Variants in MED14 observed in about 807,000 individuals in gnomAD.
The protein encoded by MED14 is mediator complex subunit 14.
Under a neutral mutation model 109.0 loss-of-function variants are expected in MED14, and 8 were observed. The ratio of observed to expected loss-of-function variants is 0.07; its 90% CI spans 0.04 to 0.13. The LOEUF (loss-of-function observed/expected upper bound fraction) is 0.13. MED14 is among the 10% of genes least tolerant of loss of function. The probability of loss-of-function intolerance (pLI) is 1.00; values close to 1 mark genes in which losing one functional copy is unlikely to be tolerated. For synonymous variants in MED14, 399 were observed against 408.7 expected (o/e 0.98, Z 0.29); for missense variants, 711 against 1,142.4 (o/e 0.62, Z 5.44).
intron 1 of MED14, among the ~76,000 whole-genome samples, chrX:40,730,678 A>G (rs1174453821): frequency 6.3e-5 from 7 of 111,396 alleles, no homozygotes; most frequent in African/African-American, 2.3e-4. Flanking sequence ...CTCCTAATCT[A>G]TTTGAAATTC....
At chrX:40,692,617 ATCT>A in intron 14 of MED14, 88 bp downstream of exon 14, 1 of 896,941 alleles carries the variant, frequency 1.1e-6, no homozygotes, top group East Asian at 3.3e-5. Context: ...TAAAAACTGT[ATCT>A]TAGTTCTTTC....
At chrX:40,711,000 G>A (rs1038341906) in intron 8 of MED14, among the ~76,000 whole-genome samples, 169 bp downstream of exon 8, 1 of 111,963 alleles carries the variant, frequency 8.9e-6, no homozygotes, top group African/African-American at 3.2e-5. Context: ...GGCCCTATAC[G>A]CAGGTTTCAC....
Position 40,692,242 on chromosome X carries a change from A to C in MED14, c.1921T>G (p.Leu641Val). 8.3e-7 allele frequency: 1 copy of C among 1,207,711 alleles called. No homozygotes were observed. The highest frequency in any genetic ancestry group is 1.1e-6 in the Non-Finnish European group (1 of 891,826). ...AGEMCAFNKV[L>V]AHFVAMCDTN... ...TCACACATAGCGACGAAGTGGGCTA[A>C]AACTTTATTGAAGGCACACATTTCT... Residue 641 changes from leucine (L) to valine (V), a missense_variant, in exon 15 of 31, where the codon TTA becomes GTA. Leu to Val is a conservative substitution (Grantham distance 32, BLOSUM62 1). This residue lies in a region of MED14 where 388 missense variants were observed against 517.3 expected (regional missense o/e 0.75). Coordinates refer to ENST00000324817, the MANE Select transcript of MED14 (RefSeq NM_004229.4).
At position 40,666,724 on chromosome X, in the gene MED14, T is replaced by C. The variant is rs61290811; in HGVS notation, c.3261A>G (p.Pro1087=). The C allele has an allele frequency of 1.3e-5, 16 of 1,208,313 alleles. No homozygotes were observed. In the African/African-American group the frequency reaches 2.8e-4, roughly 21 times the overall value. Residue 1087 remains proline, a synonymous_variant, in exon 24 of 31, where the codon CCA becomes CCG. Coordinates refer to ENST00000324817, the MANE Select transcript of MED14 (RefSeq NM_004229.4). ...SIGPGASFAS[P]HGTLDPSSPY... ...GATTTCCATGTATGGACTCACCATGTGGACTAGCAAAACTGGCCCCTGGTC... is the reference window on the plus strand; with the variant it reads ...GATTTCCATGTATGGACTCACCATGCGGACTAGCAAAACTGGCCCCTGGTC...
At position 40,651,598 on chromosome X, in the gene MED14, C is replaced by A; in HGVS notation, c.*208G>T. On this transcript the variant is annotated 3_prime_UTR_variant, in exon 31 of 31. Coordinates refer to ENST00000324817, the MANE Select transcript of MED14 (RefSeq NM_004229.4). ...GATTTATTTCCTTTGAAATGTGTCC[C>A]ATTTAAACACACTATACAAGTTCAT... 1.0e-6 allele frequency: 1 copy of A among 956,357 alleles called. No individual in the cohort carries two copies. Among genetic ancestry groups the A allele is most frequent in the Non-Finnish European group, 1.3e-6 (1 of 759,607 alleles). The allele number at this position is 956,357 out of a possible 1,213,427, so 78.8% of individuals were successfully genotyped here. A position where few individuals can be genotyped will look rare whatever the true frequency, so the allele number is the denominator to read the frequency against.
In MED14 at chrX:40,727,683, T is replaced by A. The variant is rs917801385; in HGVS notation, c.243-832A>T. On this transcript the variant is annotated intron_variant, in intron 2 of 30. Transcript: ENST00000324817. ...GTTTACTTTAAAACACTGAAAAAAA[T>A]ATTCAACAAGCCAGGACCGATGACC... 6.3e-5 allele frequency among the ~76,000 whole-genome samples: 7 copies of A among 111,037 alleles called. No individual in the cohort carries two copies. In the Admixed American group the frequency reaches 6.7e-4, roughly 11 times the overall value.
intron 10 of MED14, among the ~76,000 whole-genome samples, chrX:40,706,153 T>C (rs1302367283): frequency 8.9e-6 from 1 of 111,736 alleles, no homozygotes; most frequent in Non-Finnish European, 1.9e-5. Context: ...AAGAATAGAC[T>C]ATGTAGTCCC....
Position 40,710,120 on chromosome X carries a change from A to C in MED14, c.1032T>G (p.Val344=). The change falls in exon 9 of 31, where the codon GTT becomes GTG. Residue 344 remains valine, a synonymous_variant. Coordinates refer to ENST00000324817, the MANE Select transcript of MED14 (RefSeq NM_004229.4). ...ATGCTGTTCCAGTTTTTCTCCCAAG[A>C]ACCTGTTGACTAAAGAAAAAAATGA... ...CLSLSVWNQQ[V]LGRKTGTASV... 1 of 1,158,533 alleles carries C rather than the reference A, an allele frequency of 8.6e-7. No homozygotes were observed. Among genetic ancestry groups the C allele is most frequent in the Non-Finnish European group, 1.1e-6 (1 of 871,557 alleles).
chrX:40,683,005 A>G lies in MED14; in HGVS notation c.2058-9T>C. 3 of 1,191,364 alleles carry G rather than the reference A, an allele frequency of 2.5e-6. No homozygotes were observed. The South Asian group carries it at 5.5e-5, about 22-fold the overall frequency. On this transcript the variant is annotated splice_polypyrimidine_tract_variant and intron_variant, in intron 16 of 30. Transcript: ENST00000324817. The stretch of plus-strand genomic sequence containing the variant: ...CCTTACAGGGAGGAATTCTGGTGAT[A>G]AAAGACAGCATATGAAGTATACTTT...
At chrX:40,682,299 T>C (rs969274208) in intron 18 of MED14, among the ~76,000 whole-genome samples, 19 of 111,904 alleles carry the variant, frequency 1.7e-4, no homozygotes, top group East Asian at 2.8e-4. Context: ...ATTGTGAAGA[T>C]TGTGAAAACT....
chrX:40,700,175 T>C (rs551780226), intron 12 of MED14, among the ~76,000 whole-genome samples: 1 of 106,237 alleles, frequency 9.4e-6, no homozygotes, highest in South Asian at 4.2e-4. Context: ...ATAAATAAAA[T>C]AAAACAAAAA....
intron 23 of MED14, among the ~76,000 whole-genome samples, chrX:40,670,009 A>G (rs1483268577): frequency 8.9e-6 from 1 of 112,201 alleles, no homozygotes; most frequent in African/African-American, 3.2e-5. Context: ...ATCTAAGCAG[A>G]GGAAGCACAA....
At chrX:40,730,347 A>C (rs1396968734) in intron 1 of MED14, among the ~76,000 whole-genome samples, 4 of 112,015 alleles carry the variant, frequency 3.6e-5, no homozygotes, top group African/African-American at 1.3e-4. Flanking sequence ...CGGAGAGATG[A>C]AGCAGAAATT....
At chrX:40,675,517 G>T (rs747013949) in intron 21 of MED14, among the ~76,000 whole-genome samples, 156 bp from the exon 22 acceptor site, 1 of 111,902 alleles carries the variant, frequency 8.9e-6, no homozygotes, top group African/African-American at 3.2e-5. Context: ...ATTTTGAAGC[G>T]GGAAACTGAG....
chrX:40,720,765 CAA>C (rs1931686059), intron 3 of MED14, among the ~76,000 whole-genome samples: 1 of 108,838 alleles, frequency 9.2e-6, no homozygotes, highest in African/African-American at 3.4e-5. Context: ...GAGAGGAGAG[CAA>C]AGAGTAAAAA....
intron 3 of MED14, among the ~76,000 whole-genome samples, chrX:40,717,524 C>T (rs941900305): frequency 1.8e-5 from 2 of 109,881 alleles, no homozygotes; most frequent in African/African-American, 3.3e-5. Flanking sequence ...GTTGTTGTTT[C>T]ATTTTGTTTT....
At chrX:40,666,696 A>G (rs763688693) in intron 24 of MED14, 24 bp downstream of exon 24, 7 of 1,204,252 alleles carry the variant, frequency 5.8e-6, no homozygotes, top group Non-Finnish European at 7.9e-6. Context: ...CTTATGCTAT[A>G]TCGATTTCCA....
At chrX:40,726,924 A>AAAAT (rs963653704) in intron 2 of MED14, 73 bp from the exon 3 acceptor site, 9 of 809,007 alleles carry the variant, frequency 1.1e-5, no homozygotes, top group South Asian at 2.5e-5. Context: ...CAGCTAAGCA[A>AAAAT]AAATAAATAA....
chrX:40,697,278 CAATT>C, intron 12 of MED14, 95 bp from the exon 13 acceptor site: 4 of 509,792 alleles, frequency 7.8e-6, no homozygotes, highest in Middle Eastern at 4.7e-4. Flanking sequence ...ATTAAAAAAA[CAATT>C]AATTGAAATT....
Sources: allele counts gnomAD v4.1 joint callset (sites outside exome capture counted in the v4.1 genomes callset), GRCh38; gene constraint gnomAD v4.1.1; regional missense constraint gnomAD v4.1.1; transcripts MANE v1.5; gene names NCBI Gene and HGNC (gene_info 2026-07-23, HGNC 2026-07-21).